PPM1A: variants seen among roughly 807,000 people sequenced by gnomAD.
The protein encoded by PPM1A is protein phosphatase, Mg2+/Mn2+ dependent 1A.
PPM1A carries 7 observed loss-of-function variants against 35.0 expected under a neutral mutation model. That is an observed-to-expected ratio of 0.20 (90% confidence interval 0.11 to 0.38). The LOEUF (loss-of-function observed/expected upper bound fraction) is 0.38. Among genes scored for constraint, PPM1A ranks in the 10% least tolerant of loss-of-function variants. The probability of loss-of-function intolerance (pLI) is 1.00; values close to 1 mark genes in which losing one functional copy is unlikely to be tolerated. For missense variants in PPM1A, 239 were observed against 467.8 expected (o/e 0.51, Z 4.51); for synonymous variants, 153 against 167.3 (o/e 0.91, Z 0.66).
intron 1 of PPM1A, among the ~76,000 whole-genome samples, chr14:60,261,248 CAT>C (rs1283986326): frequency 5.3e-5 from 8 of 152,092 alleles, no homozygotes; most frequent in Admixed American, 5.2e-4. Context: ...TAGAAAGAGA[CAT>C]TAAAAATTCA....
chr14:60,267,979 C>G (rs1884592890), intron 1 of PPM1A, among the ~76,000 whole-genome samples: 1 of 152,120 alleles, frequency 6.6e-6, no homozygotes, highest in African/African-American at 2.4e-5. Flanking sequence ...CTATCACTTT[C>G]TCTTACATAA....
upstream of PPM1A, among the ~76,000 whole-genome samples, chr14:60,248,010 C>T (rs1229858716): frequency 6.6e-6 from 1 of 152,152 alleles, no homozygotes; most frequent in African/African-American, 2.4e-5. Context: ...ACTTCTTTTC[C>T]TGCGAATGTG....
At chr14:60,269,004 CT>C (rs1485088546) in intron 1 of PPM1A, among the ~76,000 whole-genome samples, 1 of 139,272 alleles carries the variant, frequency 7.2e-6, no homozygotes, top group Admixed American at 7.3e-5. Context: ...ATAAGCTTTT[CT>C]TTCCAACATA....
At chr14:60,271,749 G>A (rs1289026544) in intron 1 of PPM1A, among the ~76,000 whole-genome samples, 4 of 151,334 alleles carry the variant, frequency 2.6e-5, no homozygotes, top group African/African-American at 7.3e-5. Flanking sequence ...ATAATTTTGT[G>A]TGTCTCTTAT....
chr14:60,273,416 G>T lies in PPM1A; in HGVS notation c.-20-9268G>T, dbSNP rs981029914. Among the ~76,000 whole-genome samples, 3 of 152,146 alleles carry T rather than the reference G, an allele frequency of 2.0e-5. No homozygotes were observed. Among genetic ancestry groups the T allele is most frequent in the Admixed American group, 2.0e-4 (3 of 15,270 alleles). The stretch of plus-strand genomic sequence containing the variant: ...CTGTAAGAAAACCCTTGTGGTTGGA[G>T]TAGAGAATGTAGGAGAAGGGACAGT... On this transcript the variant is annotated intron_variant, in intron 1 of 5. Coordinates refer to ENST00000395076, the MANE Select transcript of PPM1A (RefSeq NM_021003.5). The surrounding 1 kb of genome is among the most constrained non-coding windows in gnomAD (Gnocchi z 4.3).
At chr14:60,287,476 GTTTGT>G in intron 3 of PPM1A, 2 of 985,068 alleles carry the variant, frequency 2.0e-6, no homozygotes, top group Non-Finnish European at 2.4e-6. Context: ...GAATGTAACT[GTTTGT>G]ATTGTAAAAG....
rs1054305591 is a variant in PPM1A at position 60,293,240 on chromosome 14, A to G, written c.*758A>G. The G allele has an allele frequency of 2.6e-5, 4 of 152,056 alleles. No individual in the cohort carries two copies. The highest frequency in any genetic ancestry group is 2.0e-4 in the Admixed American group (3 of 15,254). The allele number at this position is 152,056 out of a possible 1,614,324, so 9.4% of individuals were successfully genotyped here. ...TAATTGATAAGCAGCAGCTTCCTAC[A>G]TATAGTAGGAAACTGCCACATTTTT... is the stretch of plus-strand genomic sequence containing the variant. On this transcript the variant is annotated 3_prime_UTR_variant, in exon 6 of 6. Transcript: ENST00000395076. The surrounding 1 kb of genome is among the most constrained non-coding windows in gnomAD (Gnocchi z 4.0).
chr14:60,275,699 T>C (rs2139479696), intron 1 of PPM1A, among the ~76,000 whole-genome samples: 1 of 152,258 alleles, frequency 6.6e-6, no homozygotes, highest in South Asian at 2.1e-4. Context: ...GGTCTTGAAC[T>C]GCCCTCAAGT....
At chr14:60,251,269 G>T (rs1882383817) in intron 1 of PPM1A, among the ~76,000 whole-genome samples, 1 of 152,216 alleles carries the variant, frequency 6.6e-6, no homozygotes, top group Non-Finnish European at 1.5e-5. Context: ...GATCGGTGAA[G>T]TAATTATATT....
chr14:60,297,302 T>C lies in PPM1A; in HGVS notation c.*4820T>C, dbSNP rs1339483271. On this transcript the variant is annotated 3_prime_UTR_variant, in exon 6 of 6. Coordinates refer to ENST00000395076, the MANE Select transcript of PPM1A (RefSeq NM_021003.5). The stretch of plus-strand genomic sequence containing the variant: ...TAGGGAAGGATTACTCTTAATTGTT[T>C]TAAAAGCCATAGGAAAGTCTTCCTT... 1 of 151,726 alleles carries C rather than the reference T, an allele frequency of 6.6e-6. No homozygotes were observed. Among genetic ancestry groups the C allele is most frequent in the African/African-American group, 2.4e-5 (1 of 41,408 alleles). The allele number at this position is 151,726 out of a possible 1,614,324, so 9.4% of individuals were successfully genotyped here.
At chr14:60,254,438 TCAGTC>T (rs1427554847) in intron 1 of PPM1A, among the ~76,000 whole-genome samples, 9 of 152,134 alleles carry the variant, frequency 5.9e-5, no homozygotes, top group Non-Finnish European at 1.3e-4. Context: ...GCTAGAATGA[TCAGTC>T]AGTAAGGAAG....
chr14:60,271,506 A>G (rs531720778), intron 1 of PPM1A, among the ~76,000 whole-genome samples: 17 of 152,348 alleles, frequency 1.1e-4, no homozygotes, highest in African/African-American at 4.1e-4. Flanking sequence ...TGTTAGAATC[A>G]CAGATACTGT....
chr14:60,245,791 G>A, upstream of PPM1A: 1 of 1,466,742 alleles, frequency 6.8e-7, no homozygotes, highest in Non-Finnish European at 9.1e-7. This position sits in a 1 kb window ranked among gnomAD's most constrained non-coding sequence, Gnocchi z 4.2. Flanking sequence ...GGAGGGCCAG[G>A]GTAGGGGGCA....
rs202012629 is a variant in PPM1A at position 60,292,422 on chromosome 14, G to A, written c.1120-31G>A. 19 of 1,560,820 alleles carry A rather than the reference G, an allele frequency of 1.2e-5. No homozygotes were observed. Among genetic ancestry groups the A allele is most frequent in the South Asian group, 2.2e-5 (2 of 89,462 alleles). On this transcript the variant is annotated intron_variant, in intron 5 of 5. Transcript: ENST00000395076. This position sits in a 1 kb window ranked among gnomAD's most constrained non-coding sequence, Gnocchi z 4.2. ...TATTTTGGCACCGCTAAATTTTAAC[G>A]TTGTTCCTTATTTTGCTTCCTTTTA...
upstream of PPM1A, chr14:60,245,842 G>C: frequency 1.3e-6 from 2 of 1,577,878 alleles, no homozygotes; most frequent in Non-Finnish European, 1.7e-6. The surrounding 1 kb of genome is among the most constrained non-coding windows in gnomAD (Gnocchi z 4.2). Context: ...GGCACTGTCT[G>C]CTCGCATGTT....
intron 1 of PPM1A, among the ~76,000 whole-genome samples, chr14:60,252,523 T>C (rs1162404654): frequency 3.3e-5 from 5 of 152,146 alleles, no homozygotes; most frequent in Non-Finnish European, 7.4e-5. Context: ...TATATAAACC[T>C]TGGAGAAGAG....
chr14:60,276,634 C>T (rs6573301), intron 1 of PPM1A, among the ~76,000 whole-genome samples: 1 of 152,086 alleles, frequency 6.6e-6, no homozygotes, highest in African/African-American at 2.4e-5. Flanking sequence ...AGTGTCCCTA[C>T]GTAAATAGAA....
chr14:60,248,068 A>G (rs2139289297), upstream of PPM1A, among the ~76,000 whole-genome samples: 1 of 152,270 alleles, frequency 6.6e-6, no homozygotes, highest in East Asian at 1.9e-4. Flanking sequence ...AAGAGAGGGA[A>G]GGGCACCCCA....
In PPM1A at chr14:60,293,470, G is replaced by A. The variant is rs1566611836; in HGVS notation, c.*988G>A. ...TAGTCTCTTTTAATTGGACAACACT[G>A]TCACTCAAGGCATAGATGAAACTTT... On this transcript the variant is annotated 3_prime_UTR_variant, in exon 6 of 6. Transcript: ENST00000395076. This position sits in a 1 kb window ranked among gnomAD's most constrained non-coding sequence, Gnocchi z 4.0. The A allele has an allele frequency of 6.6e-6, 1 of 151,958 alleles. No homozygotes were observed. Among genetic ancestry groups the A allele is most frequent in the Non-Finnish European group, 1.5e-5 (1 of 67,930 alleles). 9.4% of individuals were successfully genotyped at this position (151,958 alleles called of 1,614,324 possible).
Sources: gnomAD v4.1 joint callset for allele counts (sites outside exome capture counted in the v4.1 genomes callset) on GRCh38, gnomAD v4.1.1 for gene constraint, Gnocchi (gnomAD v3.1) non-coding constraint, MANE v1.5 for transcripts, NCBI Gene and HGNC (gene_info 2026-07-23, HGNC 2026-07-21) for gene names.